Variants in DMD observed in about 807,000 individuals in gnomAD.
DMD encodes the protein dystrophin, also known as mutant dystrophin.
In DMD, 63 loss-of-function variants were observed where a neutral mutation model predicts 330.1. That is an observed-to-expected ratio of 0.19 (90% confidence interval 0.16 to 0.24). DMD has a LOEUF of 0.24. Ranked by LOEUF, DMD falls within the 10% of genes least tolerant of loss-of-function variation. The pLI is 1.00. For missense variants in DMD, 3,344 were observed against 2,684.1 expected, an observed-to-expected ratio of 1.25 and a Z score of -5.43; for synonymous variants, 1,223 against 959.8, an observed-to-expected ratio of 1.27 and a Z score of -5.07.
intron 55 of DMD, among the ~76,000 whole-genome samples, chrX:31,585,181 G>C (rs113186436): frequency 9.2e-6 from 1 of 108,258 alleles, no homozygotes; most frequent in Non-Finnish European, 1.9e-5. Context: ...AAATTAGCTG[G>C]ACATGGTGGC....
chrX:32,799,030 ATTC>A (rs2076362556), intron 7 of DMD, among the ~76,000 whole-genome samples: 1 of 111,308 alleles, frequency 9.0e-6, no homozygotes, highest in Non-Finnish European at 1.9e-5. Flanking sequence ...CCTTAAAAAT[ATTC>A]TTCTCTTTTA....
At chrX:31,365,637 A>C (rs752462049) in intron 60 of DMD, among the ~76,000 whole-genome samples, 1 of 112,194 alleles carries the variant, frequency 8.9e-6, no homozygotes, top group Non-Finnish European at 1.9e-5. Context: ...AATTGTATTA[A>C]AAGATTTGTA....
chrX:31,935,656 TTTTAG>T (rs773494849), intron 45 of DMD, among the ~76,000 whole-genome samples: 16 of 111,603 alleles, frequency 1.4e-4, no homozygotes, highest in African/African-American at 5.2e-4. Flanking sequence ...TTCTGAATAC[TTTTAG>T]TTAAGTAAAA....
intron 61 of DMD, among the ~76,000 whole-genome samples, chrX:31,338,776 G>A (rs980419156): frequency 4.5e-5 from 5 of 110,071 alleles, no homozygotes; most frequent in South Asian, 3.9e-4. Flanking sequence ...TGCTAAATCC[G>A]GGAAAGTCCC....
In DMD at chrX:31,453,751, A is replaced by G. The variant is rs1182619778; in HGVS notation, c.8938-9124T>C. ...CAACTGCCAGTTATCTCCCCTTTAT[A>G]GACAAAAAACAAGCAAAAAAAAAAA... On this transcript the variant is annotated intron_variant, in intron 59 of 78. Transcript: ENST00000357033. Among the ~76,000 whole-genome samples, 3 of 99,638 alleles carry G rather than the reference A, an allele frequency of 3.0e-5. No individual in the cohort carries two copies. The East Asian group carries it at 9.6e-4, about 32-fold the overall frequency. The allele number at this position is 99,638 out of a possible 115,157, so 86.5% of individuals were successfully genotyped here.
At chrX:31,803,698 CTCTT>C (rs1429931366) in intron 50 of DMD, among the ~76,000 whole-genome samples, 6 of 75,132 alleles carry the variant, frequency 8.0e-5, no homozygotes, top group African/African-American at 9.3e-5. Context: ...CTCTCTCTCT[CTCTT>C]TCTTTTTATT....
At chrX:32,745,959 C>A (rs1224855453) in intron 7 of DMD, among the ~76,000 whole-genome samples, 3 of 111,885 alleles carry the variant, frequency 2.7e-5, no homozygotes, top group Admixed American at 9.5e-5. Context: ...AGAATAAAGC[C>A]AGTAGGAAAC....
intron 44 of DMD, among the ~76,000 whole-genome samples, chrX:32,033,603 C>CAGAAAGAA (rs753337646): frequency 0.028 from 1,652 of 59,721 alleles, 45 homozygotes; most frequent in Middle Eastern, 0.041. Context: ...GACAGACAGA[C>CAGAAAGAA]AGAAAGAAAG....
At chrX:32,646,311 GAGTGTACTCCTTGC>G (rs1186268164) in intron 9 of DMD, among the ~76,000 whole-genome samples, 3 of 111,278 alleles carry the variant, frequency 2.7e-5, no homozygotes, top group African/African-American at 9.8e-5. Context: ...GCTTTGGGAG[GAGTGTACTCCTTGC>G]AGGTCGCCGG....
At chrX:32,363,878 A>G (rs770077372) in intron 36 of DMD, among the ~76,000 whole-genome samples, 66 of 112,292 alleles carry the variant, frequency 5.9e-4, no homozygotes, top group Non-Finnish European at 1.1e-3. Flanking sequence ...TATTGAAAAG[A>G]GAGCTGTTAA....
At chrX:31,740,161 A>C (rs1375228930) in intron 51 of DMD, among the ~76,000 whole-genome samples, 1 of 112,097 alleles carries the variant, frequency 8.9e-6, no homozygotes, top group Non-Finnish European at 1.9e-5. Context: ...ATTTTATGCT[A>C]CAATTTGTTG....
At chrX:33,011,282 T>C (rs1445604015) in intron 2 of DMD, among the ~76,000 whole-genome samples, 2 of 111,578 alleles carry the variant, frequency 1.8e-5, no homozygotes, top group African/African-American at 3.3e-5. Flanking sequence ...AACAATATAA[T>C]TCTTCAAGAA....
At chrX:32,331,800 CAA>C (rs1182931377) in intron 41 of DMD, among the ~76,000 whole-genome samples, 1 of 111,496 alleles carries the variant, frequency 9.0e-6, no homozygotes, top group Non-Finnish European at 1.9e-5. Context: ...AGACAATATT[CAA>C]GAGGTAATAT....
rs768510204 is a variant in DMD at position 31,293,898 on chromosome X, G to A, written c.9224+29700C>T. On this transcript the variant is annotated intron_variant, in intron 62 of 78. Coordinates refer to ENST00000357033, the MANE Select transcript of DMD (RefSeq NM_004006.3). ...AGGCCAGGTGTGGTGGCTCACGCCT[G>A]TAATCCCAGCACTTTGGGATGCCAA... Among the ~76,000 whole-genome samples the A allele has an allele frequency of 2.4e-3, 267 of 111,859 alleles. 1 individual carries two copies. The highest frequency in any genetic ancestry group is 8.5e-3 in the African/African-American group (262 of 30,791).
chrX:32,448,382 G>C, intron 27 of DMD, 74 bp downstream of exon 27: 1 of 1,129,200 alleles, frequency 8.9e-7, no homozygotes, highest in Non-Finnish European at 1.2e-6. Context: ...TGGTATCCAT[G>C]TTCTTAACCA....
intron 9 of DMD, among the ~76,000 whole-genome samples, chrX:32,691,770 T>C (rs1400271920): frequency 1.8e-5 from 2 of 111,104 alleles, no homozygotes; most frequent in Non-Finnish European, 1.9e-5. Flanking sequence ...TGTCCACTGA[T>C]GGATGAGGGG....
intron 62 of DMD, among the ~76,000 whole-genome samples, chrX:31,309,064 G>A (rs756850614): frequency 8.1e-5 from 9 of 111,305 alleles, no homozygotes; most frequent in African/African-American, 2.9e-4. Context: ...CATACCTATT[G>A]GGATCATAGC....
chrX:32,026,181 T>A (rs1049342730), intron 44 of DMD, among the ~76,000 whole-genome samples: 1 of 112,092 alleles, frequency 8.9e-6, no homozygotes, highest in African/African-American at 3.2e-5. Flanking sequence ...ATATAAAATA[T>A]TTTGTTAAAT....
intron 60 of DMD, among the ~76,000 whole-genome samples, chrX:31,382,635 C>T (rs762262175): frequency 4.5e-5 from 5 of 111,438 alleles, no homozygotes; most frequent in Admixed American, 9.6e-5. Flanking sequence ...TCTCTTATTC[C>T]GTTTAGTTTT....
Sources: allele counts gnomAD v4.1 joint callset (sites outside exome capture counted in the v4.1 genomes callset), GRCh38; gene constraint gnomAD v4.1.1; transcripts MANE v1.5; gene names NCBI Gene and HGNC (gene_info 2026-07-23, HGNC 2026-07-21).